The following UMAD1 variants were observed in gnomAD, a reference collection of about 807,000 sequenced individuals.
UMAD1 encodes the protein UBAP1-MVB12-associated (UMA) domain containing 1.
In UMAD1, 8 loss-of-function variants were observed where a neutral mutation model predicts 6.1. That is an observed-to-expected ratio of 1.30 (90% CI 0.76 to 2.35). UMAD1 has a LOEUF of 2.35. Among genes scored for constraint, UMAD1 ranks in the 30% most tolerant of loss-of-function variants. The pLI is 0.00. For missense variants in UMAD1, 130 were observed against 78.4 expected, an observed-to-expected ratio of 1.66 and a Z score of -2.49; for synonymous variants, 56 against 31.4, an observed-to-expected ratio of 1.78 and a Z score of -2.61.
At chr7:7,861,921 G>C (rs1784123632) in intron 3 of UMAD1, among the ~76,000 whole-genome samples, 1 of 152,154 alleles carries the variant, frequency 6.6e-6, no homozygotes, top group Non-Finnish European at 1.5e-5. Flanking sequence ...CATATATTAA[G>C]AGCAGCAGAA....
chr7:7,791,348 T>G (rs1782564173), intron 2 of UMAD1, among the ~76,000 whole-genome samples: 1 of 152,220 alleles, frequency 6.6e-6, no homozygotes, highest in African/African-American at 2.4e-5. Context: ...TTGGCAGTAT[T>G]TTGGGATTCA....
intron 3 of UMAD1, among the ~76,000 whole-genome samples, chr7:7,820,131 G>A (rs1018391298): frequency 6.6e-6 from 1 of 152,162 alleles, no homozygotes; most frequent in Admixed American, 6.6e-5. Flanking sequence ...TTTAACCACT[G>A]CTTTTCCTCA....
intron 2 of UMAD1, among the ~76,000 whole-genome samples, chr7:7,796,623 A>G (rs760584217): frequency 5.9e-5 from 9 of 152,110 alleles, no homozygotes; most frequent in Non-Finnish European, 1.3e-4. Context: ...GTTCCTATAG[A>G]TAGGATTCTG....
intron 2 of UMAD1, among the ~76,000 whole-genome samples, chr7:7,768,402 T>C (rs1782036383): frequency 6.6e-6 from 1 of 152,208 alleles, no homozygotes; most frequent in Admixed American, 6.5e-5. Context: ...GACTTCTTAC[T>C]GGAGCAAGTA....
At chr7:7,671,738 G>A (rs1779609435) in intron 1 of UMAD1, among the ~76,000 whole-genome samples, 1 of 150,730 alleles carries the variant, frequency 6.6e-6, no homozygotes, top group Admixed American at 6.6e-5. Context: ...ATCTAATCTT[G>A]TTTTTCACCA....
intron 2 of UMAD1, among the ~76,000 whole-genome samples, chr7:7,711,832 C>T (rs567420401): frequency 1.3e-5 from 2 of 152,076 alleles, no homozygotes; most frequent in South Asian, 4.1e-4. Context: ...TTTTCCTTAA[C>T]TTTCATATTT....
chr7:7,775,736 T>C (rs940467805), intron 2 of UMAD1, among the ~76,000 whole-genome samples: 1 of 152,232 alleles, frequency 6.6e-6, no homozygotes, highest in African/African-American at 2.4e-5. Flanking sequence ...TTTTGGAAGT[T>C]TGGCTGTTTG....
intron 2 of UMAD1, among the ~76,000 whole-genome samples, chr7:7,748,781 A>T (rs963301275): frequency 6.6e-6 from 1 of 151,856 alleles, no homozygotes; most frequent in Non-Finnish European, 1.5e-5. Flanking sequence ...ATAAAAATTT[A>T]AAAAATTCTT....
At chr7:7,834,178 C>T (rs1020536260) in intron 3 of UMAD1, among the ~76,000 whole-genome samples, 1 of 151,866 alleles carries the variant, frequency 6.6e-6, no homozygotes, top group Non-Finnish European at 1.5e-5. Context: ...CCCACCACCA[C>T]GCCTGGATAA....
intron 2 of UMAD1, among the ~76,000 whole-genome samples, chr7:7,769,333 T>C (rs1782056240): frequency 6.6e-6 from 1 of 152,078 alleles, no homozygotes; most frequent in Non-Finnish European, 1.5e-5. Context: ...TTTTTTTAAG[T>C]TTTGGAGAAC....
intron 2 of UMAD1, among the ~76,000 whole-genome samples, chr7:7,798,706 G>A (rs1364934512): frequency 6.6e-6 from 1 of 152,140 alleles, no homozygotes; most frequent in Non-Finnish European, 1.5e-5. Context: ...TGGCCCTCAT[G>A]CATTGGAACC....
At chr7:7,702,490 T>G (rs1279947139) in intron 2 of UMAD1, among the ~76,000 whole-genome samples, 1 of 152,206 alleles carries the variant, frequency 6.6e-6, no homozygotes, top group African/African-American at 2.4e-5. Context: ...CCAATAGCTT[T>G]TATATAAAAT....
At chr7:7,778,703 A>C (rs1322491172) in intron 2 of UMAD1, among the ~76,000 whole-genome samples, 1 of 152,168 alleles carries the variant, frequency 6.6e-6, no homozygotes, top group Non-Finnish European at 1.5e-5. Context: ...GGTGTGAGCC[A>C]CCACACTCAG....
intron 1 of UMAD1, among the ~76,000 whole-genome samples, chr7:7,654,185 A>G (rs1351362852): frequency 6.6e-6 from 1 of 152,188 alleles, no homozygotes; most frequent in African/African-American, 2.4e-5. Context: ...TCAACAACAA[A>G]ACCAAAACCT....
intron 2 of UMAD1, among the ~76,000 whole-genome samples, chr7:7,702,565 T>C (rs200621323): frequency 6.6e-6 from 1 of 152,308 alleles, no homozygotes; most frequent in East Asian, 1.9e-4. Context: ...TTTCTGTACT[T>C]TTCCTGATAC....
intron 2 of UMAD1, among the ~76,000 whole-genome samples, chr7:7,754,369 C>T (rs542317912): frequency 6.6e-6 from 1 of 152,222 alleles, no homozygotes; most frequent in African/African-American, 2.4e-5. Context: ...ATGTTGAGTA[C>T]CTTTTTATGT....
rs905365124 is a variant in UMAD1, at chr7:7,870,239, T to C, written c.157-7042T>C. Among the ~76,000 whole-genome samples, 7 of 152,150 alleles carry C rather than the reference T, an allele frequency of 4.6e-5. No homozygotes were observed. The South Asian group carries it at 1.4e-3, about 32-fold the overall frequency. The stretch of plus-strand genomic sequence containing the variant: ...AACTTTCTTTGTAAGATTAAAAAAA[T>C]CTGACACGGTATGCTCATATTTAAA... On this transcript the variant is annotated intron_variant, in intron 3 of 3. Transcript: ENST00000682710.
chr7:7,855,010 C>T (rs1783989285), intron 3 of UMAD1, among the ~76,000 whole-genome samples: 1 of 152,206 alleles, frequency 6.6e-6, no homozygotes, highest in Non-Finnish European at 1.5e-5. Flanking sequence ...CTTAGAGTTC[C>T]AAAATACTCT....
chr7:7,658,032 C>T (rs1257628449), intron 1 of UMAD1, among the ~76,000 whole-genome samples: 1 of 152,122 alleles, frequency 6.6e-6, no homozygotes, highest in Non-Finnish European at 1.5e-5. Flanking sequence ...CTTCATGTCC[C>T]TTGTAAGTTG....
Sources: gnomAD v4.1 joint callset for allele counts (sites outside exome capture counted in the v4.1 genomes callset) on GRCh38, gnomAD v4.1.1 for gene constraint, MANE v1.5 for transcripts, NCBI Gene and HGNC (gene_info 2026-07-23, HGNC 2026-07-21) for gene names.